The following NUP98 variants were observed in gnomAD, a reference collection of about 807,000 sequenced individuals.
NUP98 encodes nucleoporin 98 and 96 precursor.
In NUP98, 26 loss-of-function variants were observed where a neutral mutation model predicts 191.9. The observed-to-expected ratio is 0.14, with a 90% CI of 0.10 to 0.19. The LOEUF (loss-of-function observed/expected upper bound fraction) is 0.19, where lower values mean the gene tolerates loss of function less well. NUP98 is among the 10% of genes least tolerant of loss of function. The probability of loss-of-function intolerance (pLI) is 1.00; values close to 1 mark genes in which losing one functional copy is unlikely to be tolerated. For missense variants in NUP98, 1,941 were observed against 2,178.8 expected (o/e 0.89, Z 2.17); for synonymous variants, 808 against 778.4 (o/e 1.04, Z -0.63).
At chr11:3,755,498 G>C (rs1186142503) in intron 10 of NUP98, among the ~76,000 whole-genome samples, 1 of 151,416 alleles carries the variant, frequency 6.6e-6, no homozygotes, top group East Asian at 1.9e-4. Flanking sequence ...GGAAAAAGTA[G>C]CCCAAAAAGA....
intron 10 of NUP98, among the ~76,000 whole-genome samples, chr11:3,758,340 A>G (rs1320342355): frequency 1.3e-5 from 2 of 152,016 alleles, no homozygotes; most frequent in Non-Finnish European, 2.9e-5. Flanking sequence ...AAAAGAAAGA[A>G]AAAAGAAAAA....
intron 1 of NUP98, among the ~76,000 whole-genome samples, chr11:3,794,957 T>C (rs989603475): frequency 3.9e-5 from 6 of 152,194 alleles, no homozygotes; most frequent in African/African-American, 7.2e-5. Flanking sequence ...CCCTAACCTT[T>C]CAACAAATTA....
In NUP98 at chr11:3,676,172, A is replaced by T; in HGVS notation, c.5390T>A (p.Val1797Asp). 2 of 1,614,042 alleles carry T rather than the reference A, an allele frequency of 1.2e-6. No individual in the cohort carries two copies. The change falls in exon 33 of 33, where the codon GTT becomes GAT. Residue 1797 changes from valine to aspartate, a missense_variant. Val to Asp is a radical substitution (Grantham distance 152). Transcript: ENST00000324932. Reference sequence around the variant, plus strand: ...AGTGCCTGGGGCTCACAGGCTCCCAACAGCCAGTTCTCGCAGATAGGACTG... The same window carrying T: ...AGTGCCTGGGGCTCACAGGCTCCCATCAGCCAGTTCTCGCAGATAGGACTG... ...LTQSYLRELA[V>D]GSL is the part of the protein sequence containing the mutation.
At chr11:3,754,531 C>A (rs904643275) in intron 10 of NUP98, among the ~76,000 whole-genome samples, 4 of 152,170 alleles carry the variant, frequency 2.6e-5, no homozygotes, top group Non-Finnish European at 5.9e-5. Context: ...TCCACAGTAG[C>A]TTTTATTTTG....
intron 17 of NUP98, among the ~76,000 whole-genome samples, 159 bp from the exon 18 acceptor site, chr11:3,719,709 GGA>G (rs33924779): frequency 0.56 from 84,818 of 151,528 alleles, 24,954 homozygotes; most frequent in African/African-American, 0.76. Context: ...GGGGACTTAG[GGA>G]GAGTAACTTC....
At chr11:3,722,800 G>A (rs904799956) in intron 16 of NUP98, among the ~76,000 whole-genome samples, 5 of 152,158 alleles carry the variant, frequency 3.3e-5, no homozygotes, top group South Asian at 2.1e-4. Context: ...GCGACAGAGC[G>A]ACACTGTCTC....
chr11:3,681,545 T>A (rs969687289), intron 30 of NUP98, among the ~76,000 whole-genome samples: 1 of 152,222 alleles, frequency 6.6e-6, no homozygotes, highest in Non-Finnish European at 1.5e-5. Flanking sequence ...AACCTCCTTA[T>A]ACGTCTTCAT....
chr11:3,691,229 G>A (rs935942465), intron 28 of NUP98, 118 bp downstream of exon 28: 1 of 991,602 alleles, frequency 1.0e-6, no homozygotes, highest in Non-Finnish European at 1.5e-6. Context: ...AGTTATATTT[G>A]GTAGTTTATA....
At chr11:3,794,488 T>C (rs956134354) in intron 1 of NUP98, among the ~76,000 whole-genome samples, 1 of 152,076 alleles carries the variant, frequency 6.6e-6, no homozygotes, top group Non-Finnish European at 1.5e-5. Flanking sequence ...GCCCAGCTAA[T>C]TTTTCATATT....
At chr11:3,770,223 G>C (rs1163810042) in intron 7 of NUP98, among the ~76,000 whole-genome samples, 1 of 152,178 alleles carries the variant, frequency 6.6e-6, no homozygotes, top group Non-Finnish European at 1.5e-5. Context: ...GCGGGTGCCT[G>C]TAATCCCAAC....
chr11:3,754,864 C>A (rs1482149710), intron 10 of NUP98, among the ~76,000 whole-genome samples: 1 of 150,944 alleles, frequency 6.6e-6, no homozygotes, highest in Admixed American at 6.6e-5. Flanking sequence ...ATTGCTTAAA[C>A]CCGGGAGGCA....
In NUP98 at chr11:3,744,601, A is replaced by G; in HGVS notation, c.1316T>C (p.Ile439Thr). 1 of 1,613,656 alleles carries G rather than the reference A, an allele frequency of 6.2e-7. No homozygotes were observed. Residue 439 changes from isoleucine (I) to threonine (T), a missense_variant, in exon 12 of 33, where the codon ATT becomes ACT. Transcript: ENST00000324932. ...ASLFGNNQPKIGGPLGTGAFG... is the reference protein window; with the variant it reads ...ASLFGNNQPKTGGPLGTGAFG... ...GGCTCCTGTACCAAGAGGCCCTCCA[A>G]TCTTAGGTTGGTTGTTCCCAAACAA...
chr11:3,727,757 C>T (rs1056473327), intron 14 of NUP98, among the ~76,000 whole-genome samples: 1 of 152,030 alleles, frequency 6.6e-6, no homozygotes. Context: ...GGGACAATGG[C>T]GTGCACTTAT....
At chr11:3,747,847 T>C (rs1299738148) in intron 11 of NUP98, among the ~76,000 whole-genome samples, 1 of 152,122 alleles carries the variant, frequency 6.6e-6, no homozygotes, top group Non-Finnish European at 1.5e-5. Context: ...GGAACGTGGG[T>C]GTTTATATGC....
chr11:3,722,209 T>A (rs1006726623), intron 16 of NUP98, among the ~76,000 whole-genome samples: 1 of 150,242 alleles, frequency 6.7e-6, no homozygotes, highest in African/African-American at 2.5e-5. Context: ...GAATCCTGGG[T>A]TCAAGTGATC....
intron 12 of NUP98, among the ~76,000 whole-genome samples, chr11:3,743,688 C>G (rs374174317): frequency 4.1e-5 from 6 of 147,416 alleles, no homozygotes; most frequent in African/African-American, 1.5e-4. Flanking sequence ...TCCTTAAGTT[C>G]AAAATACATA....
chr11:3,753,649 G>A (rs984999207), intron 10 of NUP98, among the ~76,000 whole-genome samples: 7 of 150,586 alleles, frequency 4.6e-5, no homozygotes, highest in East Asian at 3.9e-4. Context: ...GGTGGCTCAC[G>A]CCTGTAATCC....
chr11:3,688,410 A>T (rs556576350), intron 28 of NUP98, among the ~76,000 whole-genome samples: 206 of 151,736 alleles, frequency 1.4e-3, no homozygotes, highest in African/African-American at 4.7e-3. Context: ...CATCTCAAAA[A>T]ATAATAATAA....
chr11:3,749,783 G>A (rs2080671454), intron 11 of NUP98, among the ~76,000 whole-genome samples: 2 of 151,642 alleles, frequency 1.3e-5, no homozygotes, highest in South Asian at 4.1e-4. Context: ...AATCAGTGAG[G>A]TGCAAACTGG....
Sources: gnomAD v4.1 joint callset for allele counts (sites outside exome capture counted in the v4.1 genomes callset) on GRCh38, gnomAD v4.1.1 for gene constraint, MANE v1.5 for transcripts, NCBI Gene and HGNC (gene_info 2026-07-23, HGNC 2026-07-21) for gene names.